Variants in QTMAN observed in about 807,000 individuals in gnomAD.
The protein encoded by QTMAN is tRNA-queuosine alpha-mannosyltransferase.
chr2:144,191,450 G>A, the QTMAN span, among the ~76,000 whole-genome samples: 1 of 152,258 alleles, frequency 6.6e-6, no homozygotes, highest in African/African-American at 2.4e-5. Flanking sequence ...ATCTTGCAAA[G>A]CAATTGCTGA....
chr2:144,208,710 C>T, the QTMAN span: 8 of 1,613,780 alleles, frequency 5.0e-6, no homozygotes, highest in South Asian at 8.8e-5. Flanking sequence ...AGTCTCCTAA[C>T]TCTTCTTGAA....
the QTMAN span, among the ~76,000 whole-genome samples, chr2:144,004,925 G>T: frequency 6.6e-6 from 1 of 151,966 alleles, no homozygotes; most frequent in East Asian, 1.9e-4. Context: ...ACCAATGCTC[G>T]GCGGCTCAGT....
the QTMAN span, among the ~76,000 whole-genome samples, chr2:143,963,206 G>C: frequency 6.6e-6 from 1 of 152,136 alleles, no homozygotes; most frequent in Non-Finnish European, 1.5e-5. Flanking sequence ...AGATATCAGA[G>C]TAAAAGCCTA....
chr2:144,052,747 G>A, the QTMAN span, among the ~76,000 whole-genome samples: 1 of 152,200 alleles, frequency 6.6e-6, no homozygotes, highest in African/African-American at 2.4e-5. Flanking sequence ...TGCCTCCTGG[G>A]TTCAAGCGAT....
chr2:144,015,097 C>T, the QTMAN span, among the ~76,000 whole-genome samples: 7 of 152,120 alleles, frequency 4.6e-5, no homozygotes, highest in South Asian at 2.1e-4. Context: ...ATTCCTCCCA[C>T]GCAGAAAATT....
chr2:144,255,556 T>C, the QTMAN span, among the ~76,000 whole-genome samples: 1 of 152,196 alleles, frequency 6.6e-6, no homozygotes, highest in Non-Finnish European at 1.5e-5. Flanking sequence ...AGTGAACTAA[T>C]ACAAGAAACA....
chr2:144,252,817 T>G, the QTMAN span, among the ~76,000 whole-genome samples: 1 of 152,200 alleles, frequency 6.6e-6, no homozygotes, highest in African/African-American at 2.4e-5. Flanking sequence ...TCAGTTTTAC[T>G]CAGAACTGCC....
At chr2:144,172,739 TAAGATA>T in the QTMAN span, among the ~76,000 whole-genome samples, 3 of 151,826 alleles carry the variant, frequency 2.0e-5, no homozygotes, top group Non-Finnish European at 4.4e-5. Context: ...TCAAAAATAC[TAAGATA>T]AATATTTTCA....
At chr2:144,111,475 T>C in the QTMAN span, among the ~76,000 whole-genome samples, 1 of 152,194 alleles carries the variant, frequency 6.6e-6, no homozygotes, top group Non-Finnish European at 1.5e-5. Flanking sequence ...TATGGATCTT[T>C]TGAGACCCCT....
At chr2:143,977,354 T>C in the QTMAN span, among the ~76,000 whole-genome samples, 1 of 152,078 alleles carries the variant, frequency 6.6e-6, no homozygotes, top group Non-Finnish European at 1.5e-5. Context: ...GCATACACCC[T>C]CCTACACCGT....
chr2:144,030,319 G>A, the QTMAN span, among the ~76,000 whole-genome samples: 1 of 152,266 alleles, frequency 6.6e-6, no homozygotes, highest in African/African-American at 2.4e-5. Context: ...CTTCATTGAT[G>A]TTGTTCAAGC....
chr2:144,129,677 T>C, the QTMAN span, among the ~76,000 whole-genome samples: 2 of 152,040 alleles, frequency 1.3e-5, no homozygotes, highest in Non-Finnish European at 2.9e-5. Flanking sequence ...CCACTTACCA[T>C]CATTCATCAC....
chr2:144,244,259 T>C, the QTMAN span, among the ~76,000 whole-genome samples: 1 of 152,224 alleles, frequency 6.6e-6, no homozygotes, highest in East Asian at 1.9e-4. Context: ...ACGTGTTTCA[T>C]GTACAACAAC....
chr2:144,289,336 ATTTTCAGTCATAT>A, the QTMAN span, among the ~76,000 whole-genome samples: 51 of 152,198 alleles, frequency 3.4e-4, no homozygotes, highest in African/African-American at 1.1e-3. Flanking sequence ...CAAGAAAATT[ATTTTCAGTCATAT>A]TTCCTGACCA....
the QTMAN span, among the ~76,000 whole-genome samples, chr2:144,296,174 T>C: frequency 6.6e-6 from 1 of 152,174 alleles, no homozygotes; most frequent in African/African-American, 2.4e-5. Flanking sequence ...CACATGTATG[T>C]CTGAAGGAAG....
the QTMAN span, among the ~76,000 whole-genome samples, chr2:144,246,077 C>T: frequency 6.6e-6 from 1 of 152,116 alleles, no homozygotes; most frequent in Non-Finnish European, 1.5e-5. Context: ...CTTCCTCCAA[C>T]CCCAAAGATG....
the QTMAN span, among the ~76,000 whole-genome samples, chr2:144,154,186 A>G: frequency 6.6e-6 from 1 of 152,214 alleles, no homozygotes; most frequent in Non-Finnish European, 1.5e-5. Flanking sequence ...CCCTTTATCC[A>G]TCACATATTT....
the QTMAN span, among the ~76,000 whole-genome samples, chr2:143,988,889 G>T: frequency 6.6e-6 from 1 of 152,202 alleles, no homozygotes; most frequent in African/African-American, 2.4e-5. Flanking sequence ...ATTTACCATG[G>T]TTCTTATGCT....
chr2:144,321,766 C>T, the QTMAN span, among the ~76,000 whole-genome samples: 9 of 152,006 alleles, frequency 5.9e-5, no homozygotes, highest in African/African-American at 2.2e-4. Context: ...CCACACCGGG[C>T]TAATTTTTTT....
Sources: allele counts gnomAD v4.1 joint callset (sites outside exome capture counted in the v4.1 genomes callset), GRCh38; gene constraint gnomAD v4.1.1; transcripts MANE v1.5; gene names NCBI Gene and HGNC (gene_info 2026-07-23, HGNC 2026-07-21).